Variants in FOLH1 observed in about 807,000 individuals in gnomAD.
The protein encoded by FOLH1 is folate hydrolase 1.
Under a neutral mutation model 93.9 loss-of-function variants are expected in FOLH1, and 54 were observed. That is an observed-to-expected ratio of 0.57 (90% CI 0.46 to 0.72). The LOEUF is 0.72. FOLH1 is among the 30% of genes least tolerant of loss of function. The pLI, the probability that FOLH1 is intolerant of heterozygous loss-of-function variation, is 0.00. For missense variants in FOLH1, 571 were observed against 892.5 expected (o/e 0.64, Z 4.59); for synonymous variants, 249 against 303.6 (o/e 0.82, Z 1.87).
chr11:49,185,832 C>T lies in FOLH1; in HGVS notation c.663G>A (p.Gly221=). 6.4e-7 allele frequency: 1 copy of T among 1,558,508 alleles called. No individual in the cohort carries two copies. The stretch of plus-strand genomic sequence containing the variant: ...CGGAGTAGAGAATGACTCCTTTGGC[C>T]CCTGCCAGCTGGGCATTTTTAACCT... The part of the protein sequence containing the change: ...GNKVKNAQLA[G]AKGVILYSDP... The change falls in exon 6 of 19, where the codon GGG becomes GGA. Residue 221 remains glycine, a synonymous_variant. Transcript: ENST00000256999.
At position 49,174,891 on chromosome 11, in the gene FOLH1, C is replaced by A. The variant is rs529300272; in HGVS notation, c.1105+1G>T. 7.5e-6 allele frequency: 12 copies of A among 1,605,000 alleles called. No homozygotes were observed. In the Admixed American group the frequency reaches 1.5e-4, roughly 20 times the overall value. On this transcript the variant is annotated splice_donor_variant, in intron 9 of 18. Transcript: ENST00000256999. LOFTEE classifies it high-confidence loss of function. ...ATTTGCTAAGCAAACGATTCCTTTA[C>A]CTGGTTCCACTGCTCCTCTGAGAGT...
At chr11:49,183,124 C>A in intron 7 of FOLH1, 25 bp downstream of exon 7, 1 of 1,557,136 alleles carries the variant, frequency 6.4e-7, no homozygotes, top group Admixed American at 2.0e-5. Flanking sequence ...CCCAAATAGC[C>A]ATCCATGGTT....
intron 18 of FOLH1, among the ~76,000 whole-genome samples, chr11:49,148,318 G>A (rs1350181311): frequency 2.0e-5 from 3 of 151,264 alleles, no homozygotes; most frequent in Non-Finnish European, 4.4e-5. Flanking sequence ...ATACACACCA[G>A]AATATAACAA....
At chr11:49,167,682 C>A (rs1195088541) in intron 12 of FOLH1, among the ~76,000 whole-genome samples, 1 of 152,002 alleles carries the variant, frequency 6.6e-6, no homozygotes, top group Non-Finnish European at 1.5e-5. Context: ...GGATGTCTAG[C>A]GTTTGCCTGT....
intron 7 of FOLH1, among the ~76,000 whole-genome samples, chr11:49,181,107 A>ATTT (rs35889777): frequency 7.5e-6 from 1 of 133,304 alleles, no homozygotes; most frequent in African/African-American, 2.7e-5. Context: ...CATGTTTTAA[A>ATTT]TTTTTTTTTT....
rs1863144127 is a variant in FOLH1 at position 49,200,415 on chromosome 11, G to T, written c.251C>A (p.Ala84Glu). Residue 84 changes from alanine to glutamate, a missense_variant, in exon 3 of 19, where the codon GCA (alanine) becomes GAA (glutamate). Physicochemically the swap from Ala to Glu is moderately radical, Grantham distance 107. This residue lies in a region of FOLH1 where 500 missense variants were observed against 822.9 expected (regional missense o/e 0.61). Transcript: ENST00000256999. ...LYNFTQIPHL[A>E]GTEQNFQLAK... Reference sequence around the variant, plus strand: ...AAGCTGAAAGTTTTGTTCTGTTCCTGCTAAATGTGGTATCTGTGTAAAATT... The same window carrying T: ...AAGCTGAAAGTTTTGTTCTGTTCCTTCTAAATGTGGTATCTGTGTAAAATT... 6.2e-7 allele frequency: 1 copy of T among 1,612,900 alleles called. No homozygotes were observed. Among genetic ancestry groups the T allele is most frequent in the African/African-American group, 1.3e-5 (1 of 74,838 alleles).
chr11:49,152,057 A>G (rs889445765), intron 17 of FOLH1, among the ~76,000 whole-genome samples: 2 of 152,000 alleles, frequency 1.3e-5, no homozygotes, highest in Non-Finnish European at 2.9e-5. Context: ...CAATTTTACA[A>G]CCTTTTTGCT....
intron 1 of FOLH1, 154 bp downstream of exon 1, chr11:49,208,138 C>T: frequency 1.6e-6 from 1 of 630,166 alleles, no homozygotes; most frequent in East Asian, 2.8e-5. Context: ...CTCCTCCTAA[C>T]TCGAGGGGTG....
rs1476108103 is a variant in FOLH1 at position 49,187,555 on chromosome 11, T to TA, written c.514-787dup. On this transcript the variant is annotated intron_variant, in intron 4 of 18. Transcript: ENST00000256999. The stretch of plus-strand genomic sequence containing the variant: ...ATTTACTATTCAACATCATCAATTT[T>TA]AAAAAATACATGAACATGCTGTTCT... Among the ~76,000 whole-genome samples, 24 of 152,344 alleles carry TA rather than the reference T, an allele frequency of 1.6e-4. No homozygotes were observed. In the East Asian group the frequency reaches 4.6e-3, roughly 29 times the overall value.
In FOLH1 at chr11:49,185,807, C is replaced by T. The variant is rs1400503050; in HGVS notation, c.688G>A (p.Asp230Asn). 5 of 1,601,444 alleles carry T rather than the reference C, an allele frequency of 3.1e-6. No individual in the cohort carries two copies. The highest frequency in any genetic ancestry group is 4.5e-5 in the East Asian group (2 of 44,632). Residue 230 changes from aspartate (D) to asparagine (N), a missense_variant, in exon 6 of 19, where the codon GAC becomes AAC. Physicochemically the swap from Asp to Asn is conservative, Grantham distance 23 (BLOSUM62 1). This residue lies in a region of FOLH1 where 500 missense variants were observed against 822.9 expected (regional missense o/e 0.61). Transcript: ENST00000256999. The part of the protein sequence containing the change: ...AGAKGVILYS[D>N]PADYFAPGVK... ...CCAGGAGCAAAGTAGTCAGCAGGGT[C>T]GGAGTAGAGAATGACTCCTTTGGCC...
In FOLH1 at chr11:49,185,651, C is replaced by G; in HGVS notation, c.826+18G>C. ...CAAATGTTAAGTTTCCTATGATATT[C>G]AAGGATTGATCATTCACCATTTGCT... On this transcript the variant is annotated intron_variant, in intron 6 of 18. Transcript: ENST00000256999. 6.2e-7 allele frequency: 1 copy of G among 1,613,282 alleles called. No homozygotes were observed. Among genetic ancestry groups the G allele is most frequent in the Non-Finnish European group, 8.5e-7 (1 of 1,179,570 alleles).
chr11:49,186,507 C>T, intron 5 of FOLH1, 137 bp downstream of exon 5: 1 of 1,042,684 alleles, frequency 9.6e-7, no homozygotes, highest in African/African-American at 1.6e-5. Flanking sequence ...TGTGTCCTCT[C>T]TGTAAGGTGG....
At position 49,185,106 on chromosome 11, in the gene FOLH1, G is replaced by C. The variant is rs548442913; in HGVS notation, c.826+563C>G. 3.6e-4 allele frequency among the ~76,000 whole-genome samples: 55 copies of C among 152,288 alleles called. 1 individual carries two copies. In the South Asian group the frequency reaches 0.011, roughly 30 times the overall value. On this transcript the variant is annotated intron_variant, in intron 6 of 18. Coordinates refer to ENST00000256999, the MANE Select transcript of FOLH1 (RefSeq NM_004476.3). ...TTATCTTACAGAAATGAAGCAATAT[G>C]CATTTCCTGGGCCCTATATCCTAAA...
rs548718552 is a variant in FOLH1 at position 49,166,069 on chromosome 11, G to T, written c.1373-1297C>A. Among the ~76,000 whole-genome samples, 3 of 152,296 alleles carry T rather than the reference G, an allele frequency of 2.0e-5. No individual in the cohort carries two copies. The East Asian group carries it at 5.8e-4, about 29-fold the overall frequency. On this transcript the variant is annotated intron_variant, in intron 12 of 18. Transcript: ENST00000256999. ...ACAAACTGAAGCAAGCTGTCCAGCA[G>T]CTAGAAAACTGATACAAAATTTGTC...
At chr11:49,163,624 C>G (rs1457284759) in intron 13 of FOLH1, among the ~76,000 whole-genome samples, 1 of 151,794 alleles carries the variant, frequency 6.6e-6, no homozygotes, top group Non-Finnish European at 1.5e-5. Context: ...GCCTGCAGAC[C>G]ATCACTGCTC....
chr11:49,170,876 A>G (rs1473636007), intron 11 of FOLH1, among the ~76,000 whole-genome samples: 34 of 152,216 alleles, frequency 2.2e-4, no homozygotes, highest in Admixed American at 2.2e-3. Context: ...CTACAATATG[A>G]TTAAGAAACT....
At chr11:49,180,769 C>T (rs1860631668) in intron 7 of FOLH1, among the ~76,000 whole-genome samples, 1 of 152,258 alleles carries the variant, frequency 6.6e-6, no homozygotes, top group South Asian at 2.1e-4. Flanking sequence ...CTTATATGGA[C>T]TGTTTCATTA....
At chr11:49,150,519 T>A (rs186378351) in intron 17 of FOLH1, among the ~76,000 whole-genome samples, 1 of 152,258 alleles carries the variant, frequency 6.6e-6, no homozygotes, top group East Asian at 1.9e-4. Flanking sequence ...CTTGCTAATG[T>A]TTAGTAAGAT....
intron 13 of FOLH1, among the ~76,000 whole-genome samples, chr11:49,161,755 T>A (rs191397879): frequency 4.0e-4 from 61 of 152,322 alleles, no homozygotes; most frequent in Middle Eastern, 3.4e-3. Flanking sequence ...TTGTCGTGGA[T>A]GGTGATAGTC....
Sources: gnomAD v4.1 joint callset for allele counts (sites outside exome capture counted in the v4.1 genomes callset) on GRCh38, gnomAD v4.1.1 for gene constraint, gnomAD v4.1.1 regional missense constraint, MANE v1.5 for transcripts, NCBI Gene and HGNC (gene_info 2026-07-23, HGNC 2026-07-21) for gene names.